Variants in SETD7 observed in about 807,000 individuals in gnomAD.
SETD7 encodes SET domain containing 7, histone lysine methyltransferase.
A neutral mutation model predicts 41.8 loss-of-function variants in SETD7; 16 were observed. That is an observed-to-expected ratio of 0.38 (90% CI 0.26 to 0.58). The LOEUF (loss-of-function observed/expected upper bound fraction) is 0.58, where lower values mean the gene tolerates loss of function less well. Ranked by LOEUF, SETD7 falls within the 20% of genes least tolerant of loss-of-function variation. SETD7 has a pLI of 0.64. For missense variants in SETD7, 346 were observed against 459.7 expected, an observed-to-expected ratio of 0.75 and a Z score of 2.26; for synonymous variants, 163 against 169.7, an observed-to-expected ratio of 0.96 and a Z score of 0.31.
chr4:139,522,662 G>A (rs186802366), intron 5 of SETD7, among the ~76,000 whole-genome samples: 1 of 151,604 alleles, frequency 6.6e-6, no homozygotes, highest in East Asian at 1.9e-4. Flanking sequence ...CCCCTAGAGG[G>A]CCAGCATGTG....
At chr4:139,534,198 C>A (rs867217799) in intron 2 of SETD7, among the ~76,000 whole-genome samples, 1 of 152,096 alleles carries the variant, frequency 6.6e-6, no homozygotes, top group Non-Finnish European at 1.5e-5. Flanking sequence ...AGTTCAGGAA[C>A]ATGTTTTCAT....
chr4:139,535,695 C>T (rs1727619210), intron 2 of SETD7, among the ~76,000 whole-genome samples: 1 of 152,160 alleles, frequency 6.6e-6, no homozygotes, highest in East Asian at 1.9e-4. Flanking sequence ...CCAACTGACT[C>T]AAAGTACACA....
At chr4:139,500,620 T>G (rs1014078508) in intron 7 of SETD7, among the ~76,000 whole-genome samples, 1 of 152,198 alleles carries the variant, frequency 6.6e-6, no homozygotes, top group Non-Finnish European at 1.5e-5. Flanking sequence ...GCGATTCTCC[T>G]GCCTCAGCCT....
At chr4:139,545,613 C>T (rs2725776) in intron 2 of SETD7, among the ~76,000 whole-genome samples, 81,994 of 152,028 alleles carry the variant, frequency 0.54, 23,147 homozygotes, top group African/African-American at 0.73. Context: ...TTACAAAAGT[C>T]ATTTAGAAGG....
At chr4:139,540,607 C>T (rs1727754454) in intron 2 of SETD7, among the ~76,000 whole-genome samples, 1 of 152,166 alleles carries the variant, frequency 6.6e-6, no homozygotes, top group African/African-American at 2.4e-5. Flanking sequence ...GATTATAAAA[C>T]CCACCTCCCA....
At chr4:139,523,641 C>T (rs1727240805) in intron 4 of SETD7, among the ~76,000 whole-genome samples, 1 of 152,232 alleles carries the variant, frequency 6.6e-6, no homozygotes, top group African/African-American at 2.4e-5. Flanking sequence ...GAACAGCCAT[C>T]AGATGCATCT....
chr4:139,538,298 C>A (rs889850891), intron 2 of SETD7, among the ~76,000 whole-genome samples: 7 of 152,090 alleles, frequency 4.6e-5, no homozygotes, highest in Non-Finnish European at 1.0e-4. Context: ...ATTCTCAGTC[C>A]TCTTCCCCAA....
intron 1 of SETD7, among the ~76,000 whole-genome samples, chr4:139,549,481 C>T (rs778527486): frequency 2.7e-4 from 38 of 141,266 alleles, no homozygotes; most frequent in Admixed American, 7.7e-4. Context: ...GAGATGACAA[C>T]AAAAATGTCA....
chr4:139,537,593 G>A (rs1324489085), intron 2 of SETD7, among the ~76,000 whole-genome samples: 1 of 152,136 alleles, frequency 6.6e-6, no homozygotes, highest in Non-Finnish European at 1.5e-5. Context: ...TTAAATTTAC[G>A]TGTCCTATTT....
chr4:139,535,216 C>T (rs1225483442), intron 2 of SETD7, among the ~76,000 whole-genome samples: 1 of 152,112 alleles, frequency 6.6e-6, no homozygotes, highest in Admixed American at 6.5e-5. Context: ...CATTTATCTT[C>T]ATTTTTAGGA....
intron 4 of SETD7, among the ~76,000 whole-genome samples, chr4:139,526,672 G>A (rs1363154219): frequency 1.3e-5 from 2 of 152,156 alleles, no homozygotes; most frequent in Admixed American, 1.3e-4. Flanking sequence ...ATTTGGTAAT[G>A]AGGAAACAGG....
At chr4:139,545,711 C>G (rs570799831) in intron 2 of SETD7, among the ~76,000 whole-genome samples, 1 of 152,244 alleles carries the variant, frequency 6.6e-6, no homozygotes, top group African/African-American at 2.4e-5. Flanking sequence ...ACTTTGCCTG[C>G]AGAAAAGGGA....
intron 7 of SETD7, among the ~76,000 whole-genome samples, chr4:139,513,473 C>A (rs1467106755): frequency 6.6e-6 from 1 of 151,032 alleles, no homozygotes; most frequent in Non-Finnish European, 1.5e-5. Context: ...ATAGTAAGTA[C>A]TTGGCTGGTT....
rs1349827298 is a variant in SETD7 at position 139,556,104 on chromosome 4, C to G, written c.34G>C (p.Val12Leu). ...CCCGGAGAAATGCTTGTACCTTCCA[C>G]CGCCTCCTCCACCATCTCGTCGTCG... ...DSDDEMVEEA[V>L]EGHLDDDGLP... The change falls in exon 1 of 8, where the codon GTG becomes CTG. Residue 12 changes from valine (V) to leucine (L), a missense_variant. This residue lies in a region of SETD7 where 266 missense variants were observed against 377.0 expected (regional missense o/e 0.71). Coordinates refer to ENST00000274031, the MANE Select transcript of SETD7 (RefSeq NM_030648.4). The G allele has an allele frequency of 1.7e-5, 28 of 1,603,228 alleles. No homozygotes were observed. Among genetic ancestry groups the G allele is most frequent in the Non-Finnish European group, 2.4e-5 (28 of 1,175,588 alleles).
intron 3 of SETD7, among the ~76,000 whole-genome samples, chr4:139,532,196 T>A (rs559377024): frequency 6.6e-6 from 1 of 152,310 alleles, no homozygotes; most frequent in South Asian, 2.1e-4. Context: ...AATTTCAGCA[T>A]TTCAGGAGGC....
At chr4:139,496,405 A>G (rs1560668685) in exon 8 of SETD7, 4 of 702,530 alleles carry the variant, frequency 5.7e-6, no homozygotes, top group Non-Finnish European at 1.0e-5. Flanking sequence ...TGCACTATAA[A>G]GAGGAATGCC....
At chr4:139,551,836 C>T (rs187599456) in intron 1 of SETD7, among the ~76,000 whole-genome samples, 3 of 152,028 alleles carry the variant, frequency 2.0e-5, no homozygotes, top group African/African-American at 7.3e-5. Flanking sequence ...TACAGTGAGA[C>T]CCCATCTCAT....
intron 5 of SETD7, among the ~76,000 whole-genome samples, chr4:139,522,231 C>T (rs1727196347): frequency 6.6e-6 from 1 of 152,180 alleles, no homozygotes; most frequent in Non-Finnish European, 1.5e-5. Flanking sequence ...GCCTATTTCT[C>T]AGATGGGAAC....
intron 1 of SETD7, among the ~76,000 whole-genome samples, chr4:139,548,804 A>G (rs1259707119): frequency 1.3e-5 from 2 of 152,194 alleles, no homozygotes; most frequent in East Asian, 1.9e-4. Flanking sequence ...ATCATAATCA[A>G]TATGGATCCC....
Sources: gnomAD v4.1 joint callset for allele counts (sites outside exome capture counted in the v4.1 genomes callset) on GRCh38, gnomAD v4.1.1 for gene constraint, gnomAD v4.1.1 regional missense constraint, MANE v1.5 for transcripts, NCBI Gene and HGNC (gene_info 2026-07-23, HGNC 2026-07-21) for gene names.